The following PELI2 variants were observed in gnomAD, a reference collection of about 807,000 sequenced individuals.
PELI2 encodes E3 ubiquitin-protein ligase pellino homolog 2.
In PELI2, 23 loss-of-function variants were observed where a neutral mutation model predicts 42.3. The observed-to-expected ratio is 0.54, with a 90% CI of 0.39 to 0.77. The LOEUF is 0.77. PELI2 is among the 30% of genes least tolerant of loss of function. The pLI, the probability that PELI2 is intolerant of heterozygous loss-of-function variation, is 0.00. For missense variants in PELI2, 463 were observed against 553.2 expected (o/e 0.84, Z 1.64); for synonymous variants, 245 against 212.2 (o/e 1.15, Z -1.34).
chr14:56,161,726 A>G (rs1444673832), intron 1 of PELI2, among the ~76,000 whole-genome samples: 2 of 152,156 alleles, frequency 1.3e-5, no homozygotes, highest in African/African-American at 2.4e-5. Context: ...ATGAATACAT[A>G]TATATATATT....
rs977454403 is a variant in PELI2, at chr14:56,288,175, A to G, written c.310-262A>G. On this transcript the variant is annotated intron_variant, in intron 3 of 5. Transcript: ENST00000267460. This position sits in a 1 kb window ranked among gnomAD's most constrained non-coding sequence, Gnocchi z 4.6. ...CAACAATGACTGCATTATGTGCTCA[A>G]ATATTTCAGAGGATACATCTCATAT... 5.3e-5 allele frequency among the ~76,000 whole-genome samples: 8 copies of G among 152,206 alleles called. No individual in the cohort carries two copies. The highest frequency in any genetic ancestry group is 1.0e-4 in the Non-Finnish European group (7 of 68,030).
intron 2 of PELI2, among the ~76,000 whole-genome samples, chr14:56,228,813 G>C (rs949301799): frequency 6.6e-6 from 1 of 152,242 alleles, no homozygotes; most frequent in African/African-American, 2.4e-5. Flanking sequence ...CCCCTCACCT[G>C]GGAAGCGCAA....
rs954995661 is a variant in PELI2, at chr14:56,141,802, A to G, written c.77+23065A>G. 8.5e-5 allele frequency among the ~76,000 whole-genome samples: 13 copies of G among 152,296 alleles called. No homozygotes were observed. The South Asian group carries it at 1.9e-3, about 22-fold the overall frequency. ...GTCCAGCCCTTGACACGTGGGGTTT[A>G]TTACGGTTCAAGGTGAGATTTGGTT... On this transcript the variant is annotated intron_variant, in intron 1 of 5. Coordinates refer to ENST00000267460, the MANE Select transcript of PELI2 (RefSeq NM_021255.3).
chr14:56,135,928 T>G (rs1883673925), intron 1 of PELI2, among the ~76,000 whole-genome samples: 2 of 152,192 alleles, frequency 1.3e-5, no homozygotes, highest in Admixed American at 1.3e-4. Context: ...TTTGTGATTC[T>G]GCTTTTTCTA....
At chr14:56,246,788 T>C (rs141334591) in intron 2 of PELI2, among the ~76,000 whole-genome samples, 340 of 152,342 alleles carry the variant, frequency 2.2e-3, no homozygotes, top group African/African-American at 7.9e-3. Flanking sequence ...GCGCTGTGTC[T>C]CCTATCCCAT....
rs1162197712 is a variant in PELI2, at chr14:56,288,602, G to A, written c.475G>A (p.Gly159Arg). Reference sequence around the variant, plus strand: ...TTACACAGCACGGATATTCGCCGCCGGATTTGACTCTTCCAAAAACATATT... The same window carrying A: ...TTACACAGCACGGATATTCGCCGCCAGATTTGACTCTTCCAAAAACATATT... ...EPYTARIFAA[G>R]FDSSKNIFLG... The change falls in exon 4 of 6, where the codon GGA (glycine) becomes AGA (arginine). Residue 159 changes from glycine to arginine, a missense_variant. Coordinates refer to ENST00000267460, the MANE Select transcript of PELI2 (RefSeq NM_021255.3). The surrounding 1 kb of genome is among the most constrained non-coding windows in gnomAD (Gnocchi z 4.6). 1 of 1,613,688 alleles carries A rather than the reference G, an allele frequency of 6.2e-7. No individual in the cohort carries two copies. Among genetic ancestry groups the A allele is most frequent in the Non-Finnish European group, 8.5e-7 (1 of 1,179,806 alleles).
intron 2 of PELI2, among the ~76,000 whole-genome samples, chr14:56,257,782 C>T (rs763136467): frequency 1.6e-4 from 24 of 152,052 alleles, no homozygotes; most frequent in Admixed American, 3.9e-4. Flanking sequence ...TTCACAGGCC[C>T]AATAACAAGG....
Position 56,205,547 on chromosome 14 carries a change from C to T in PELI2, c.207+27083C>T, listed in dbSNP as rs374140282. 2.0e-4 allele frequency among the ~76,000 whole-genome samples: 30 copies of T among 151,758 alleles called. 1 individual carries two copies. The East Asian group carries it at 2.7e-3, about 14-fold the overall frequency. On this transcript the variant is annotated intron_variant, in intron 2 of 5. Transcript: ENST00000267460. ...CTTTTTTGTAATAAGGTTGTCGGGGCGTGGGGTTAAGGGGAAGCTTGGAAG... is the reference window on the plus strand; with the variant it reads ...CTTTTTTGTAATAAGGTTGTCGGGGTGTGGGGTTAAGGGGAAGCTTGGAAG...
At chr14:56,232,467 A>G (rs1020390648) in intron 2 of PELI2, among the ~76,000 whole-genome samples, 4 of 152,216 alleles carry the variant, frequency 2.6e-5, no homozygotes, top group African/African-American at 9.6e-5. Flanking sequence ...ACGCAAATCA[A>G]TAAATGTGTT....
intron 1 of PELI2, among the ~76,000 whole-genome samples, chr14:56,171,832 A>G (rs1232425913): frequency 3.3e-5 from 5 of 152,114 alleles, no homozygotes; most frequent in Admixed American, 6.5e-5. Context: ...CCTGGCCAAT[A>G]TGGCGAAACC....
chr14:56,182,827 A>T (rs1402145657), intron 2 of PELI2, among the ~76,000 whole-genome samples: 1 of 151,998 alleles, frequency 6.6e-6, no homozygotes, highest in Non-Finnish European at 1.5e-5. Flanking sequence ...TTCAACATAA[A>T]CTCATTCACC....
At chr14:56,255,772 G>A (rs1309878273) in intron 2 of PELI2, among the ~76,000 whole-genome samples, 3 of 152,124 alleles carry the variant, frequency 2.0e-5, no homozygotes, top group Non-Finnish European at 2.9e-5. Context: ...TGTGGGGAAG[G>A]CTGGCTGCCC....
At chr14:56,222,295 G>T (rs1887164493) in intron 2 of PELI2, among the ~76,000 whole-genome samples, 1 of 152,168 alleles carries the variant, frequency 6.6e-6, no homozygotes, top group Non-Finnish European at 1.5e-5. Context: ...TCCAGAAGTT[G>T]TTTTGCTGGA....
intron 2 of PELI2, among the ~76,000 whole-genome samples, chr14:56,260,364 A>AAGT: frequency 6.6e-6 from 1 of 152,346 alleles, no homozygotes; most frequent in African/African-American, 2.4e-5. Flanking sequence ...GGGTTTTGGT[A>AAGT]AAGACACTGA....
At chr14:56,147,258 T>C (rs934424223) in intron 1 of PELI2, among the ~76,000 whole-genome samples, 1 of 152,258 alleles carries the variant, frequency 6.6e-6, no homozygotes, top group Non-Finnish European at 1.5e-5. Context: ...GATGCTGTTA[T>C]GAACATTTGC....
chr14:56,245,844 TGTAA>T (rs1219465788), intron 2 of PELI2, among the ~76,000 whole-genome samples: 1 of 152,216 alleles, frequency 6.6e-6, no homozygotes, highest in East Asian at 1.9e-4. Context: ...TTTTAGATGT[TGTAA>T]GTAATCTAGA....
At chr14:56,229,558 CAGAA>C (rs1233294061) in intron 2 of PELI2, among the ~76,000 whole-genome samples, 2 of 152,342 alleles carry the variant, frequency 1.3e-5, no homozygotes, top group East Asian at 3.9e-4. Context: ...AAGTAACAAA[CAGAA>C]AGGACATCCA....
At chr14:56,200,741 T>C (rs12881396) in intron 2 of PELI2, among the ~76,000 whole-genome samples, 61,258 of 152,102 alleles carry the variant, frequency 0.4, 13,064 homozygotes, top group South Asian at 0.53. Context: ...GGTCTCTCCT[T>C]CTTAAAGTTC....
At chr14:56,162,333 T>G in intron 1 of PELI2, among the ~76,000 whole-genome samples, 1 of 152,222 alleles carries the variant, frequency 6.6e-6, no homozygotes, top group East Asian at 1.9e-4. Context: ...GTTTTGGTTT[T>G]TAGATCTTAC....
Sources: gnomAD v4.1 joint callset for allele counts (sites outside exome capture counted in the v4.1 genomes callset) on GRCh38, gnomAD v4.1.1 for gene constraint, Gnocchi (gnomAD v3.1) non-coding constraint, MANE v1.5 for transcripts, NCBI Gene and HGNC (gene_info 2026-07-23, HGNC 2026-07-21) for gene names.